Variants in MYLK observed in about 807,000 individuals in gnomAD.
The protein encoded by MYLK is myosin light chain kinase.
In MYLK, 106 loss-of-function variants were observed where a neutral mutation model predicts 203.4. The ratio of observed to expected loss-of-function variants is 0.52; its 90% confidence interval spans 0.45 to 0.61. MYLK has a LOEUF of 0.61. Among genes scored for constraint, MYLK ranks in the 20% least tolerant of loss-of-function variants. The probability of loss-of-function intolerance (pLI) is 0.00; values close to 1 mark genes in which losing one functional copy is unlikely to be tolerated. For synonymous variants in MYLK, 867 were observed against 959.5 expected, an observed-to-expected ratio of 0.90 and a Z score of 1.78; for missense variants, 2,072 against 2,442.3, an observed-to-expected ratio of 0.85 and a Z score of 3.20.
intron 3 of MYLK, among the ~76,000 whole-genome samples, chr3:123,827,698 T>C (rs1439918555): frequency 6.6e-4 from 3 of 4,518 alleles, no homozygotes; most frequent in African/African-American, 2.3e-3. Context: ...AAACACCATA[T>C]ATATATATAT....
chr3:123,704,216 C>T lies in MYLK; in HGVS notation c.2391-2707G>A, dbSNP rs181108794. ...CCTGGTGGCAGGGCAATAGCAGTAACTATTCCTACAGCCATACCCTTAAAT... is the reference window on the plus strand; with the variant it reads ...CCTGGTGGCAGGGCAATAGCAGTAATTATTCCTACAGCCATACCCTTAAAT... On this transcript the variant is annotated intron_variant, in intron 16 of 33. Transcript: ENST00000360304. Among the ~76,000 whole-genome samples the T allele has an allele frequency of 3.3e-3, 504 of 152,362 alleles. 1 individual carries two copies. Among genetic ancestry groups the T allele is most frequent in the Non-Finnish European group, 4.0e-3 (270 of 68,034 alleles).
intron 3 of MYLK, among the ~76,000 whole-genome samples, chr3:123,827,186 CAA>C (rs1459035808): frequency 6.6e-6 from 1 of 152,026 alleles, no homozygotes; most frequent in Non-Finnish European, 1.5e-5. Flanking sequence ...AGAAATTCAA[CAA>C]AGAGATGGAT....
intron 2 of MYLK, among the ~76,000 whole-genome samples, chr3:123,854,905 T>G (rs1375546561): frequency 6.6e-6 from 1 of 152,214 alleles, no homozygotes; most frequent in East Asian, 1.9e-4. Flanking sequence ...CACAGAAAAG[T>G]TACTCCTCTG....
intron 20 of MYLK, among the ~76,000 whole-genome samples, chr3:123,679,269 T>C (rs2060178353): frequency 6.8e-6 from 1 of 146,162 alleles, no homozygotes; most frequent in Non-Finnish European, 1.5e-5. Flanking sequence ...ATCGCGCCAC[T>C]GCACTCCAGC....
At chr3:123,852,176 T>C (rs1198334989) in intron 2 of MYLK, among the ~76,000 whole-genome samples, 3 of 152,204 alleles carry the variant, frequency 2.0e-5, no homozygotes, top group South Asian at 2.1e-4. Flanking sequence ...TTTACATCAA[T>C]GTTCATCAAG....
At chr3:123,841,358 T>C (rs931273161) in intron 2 of MYLK, among the ~76,000 whole-genome samples, 6 of 152,176 alleles carry the variant, frequency 3.9e-5, no homozygotes, top group Admixed American at 1.3e-4. Flanking sequence ...ATGAGATTAA[T>C]CTATATTTTA....
intron 3 of MYLK, among the ~76,000 whole-genome samples, chr3:123,799,179 C>T (rs1450353896): frequency 6.6e-6 from 1 of 151,722 alleles, no homozygotes; most frequent in Non-Finnish European, 1.5e-5. Context: ...CCCTTACCCC[C>T]CTTACCCCTC....
chr3:123,854,338 A>G (rs527679345), intron 2 of MYLK, among the ~76,000 whole-genome samples: 1 of 152,054 alleles, frequency 6.6e-6, no homozygotes, highest in Admixed American at 6.6e-5. Context: ...TATAATTATT[A>G]TCTTCCTGAC....
chr3:123,737,261 G>T, intron 8 of MYLK, 117 bp downstream of exon 8: 2 of 1,280,716 alleles, frequency 1.6e-6, no homozygotes, highest in Non-Finnish European at 2.3e-6. Context: ...GGAGTGCCTG[G>T]GTGTGTGAGT....
chr3:123,823,115 G>A (rs918123134), intron 3 of MYLK, among the ~76,000 whole-genome samples: 1 of 152,146 alleles, frequency 6.6e-6, no homozygotes, highest in Non-Finnish European at 1.5e-5. Flanking sequence ...CACCACCCCT[G>A]CTTCTTGACA....
intron 33 of MYLK, among the ~76,000 whole-genome samples, chr3:123,615,476 G>C (rs1486967284): frequency 2.6e-5 from 4 of 151,760 alleles, no homozygotes; most frequent in African/African-American, 9.7e-5. Flanking sequence ...TGGGATTACA[G>C]GTGCACGCCA....
chr3:123,699,866 C>CGGCCCTCCTACCCAGCA (rs1179178234), intron 18 of MYLK, among the ~76,000 whole-genome samples, 154 bp downstream of exon 18: 1 of 152,160 alleles, frequency 6.6e-6, no homozygotes, highest in East Asian at 1.9e-4. Flanking sequence ...AACAGGGACG[C>CGGCCCTCCTACCCAGCA]GGCCCTCCTA....
At chr3:123,736,740 G>A (rs2062686320) in intron 8 of MYLK, among the ~76,000 whole-genome samples, 1 of 152,162 alleles carries the variant, frequency 6.6e-6, no homozygotes, top group African/African-American at 2.4e-5. Context: ...TAAATTTGGG[G>A]TGATGGCAAG....
Position 123,610,951 on chromosome 3 carries a change from A to ATTAT in MYLK, c.*3150_*3153dup, listed in dbSNP as rs1238859365. ...ATGCAATGCAAGGAACAATCAATGGATTATTTTTTATATGTTTGGGATGAA... is the reference window on the plus strand; with the variant it reads ...ATGCAATGCAAGGAACAATCAATGGATTATTTATTTTTTATATGTTTGGGATGAA... On this transcript the variant is annotated 3_prime_UTR_variant, in exon 34 of 34. Transcript: ENST00000360304. The ATTAT allele has an allele frequency of 1.3e-5, 2 of 152,224 alleles. No individual in the cohort carries two copies. Among genetic ancestry groups the ATTAT allele is most frequent in the African/African-American group, 4.8e-5 (2 of 41,458 alleles). The allele number at this position is 152,224 out of a possible 1,614,324, so 9.4% of individuals were successfully genotyped here. A position where few individuals can be genotyped will look rare whatever the true frequency, so the allele number is the denominator to read the frequency against.
chr3:123,872,202 ATT>A (rs1415338974), intron 2 of MYLK, among the ~76,000 whole-genome samples: 1 of 152,038 alleles, frequency 6.6e-6, no homozygotes, highest in African/African-American at 2.4e-5. Flanking sequence ...AGTAGAGGAG[ATT>A]TATGAGAGTT....
chr3:123,775,238 C>T (rs2064028953), intron 4 of MYLK, among the ~76,000 whole-genome samples: 1 of 152,110 alleles, frequency 6.6e-6, no homozygotes, highest in Non-Finnish European at 1.5e-5. Flanking sequence ...CTTTGCTGCC[C>T]AGGCTGGTGG....
chr3:123,728,617 C>T (rs2062375800), intron 11 of MYLK, among the ~76,000 whole-genome samples: 1 of 151,872 alleles, frequency 6.6e-6, no homozygotes, highest in African/African-American at 2.4e-5. Context: ...AACAATAAAA[C>T]ATAGCTGAAT....
At position 123,734,239 on chromosome 3, in the gene MYLK, G is replaced by T; in HGVS notation, c.774-17C>A. 6.7e-7 allele frequency: 1 copy of T among 1,483,456 alleles called. No individual in the cohort carries two copies. Among genetic ancestry groups the T allele is most frequent in the Non-Finnish European group, 8.9e-7 (1 of 1,119,828 alleles). The allele number at this position is 1,483,456 out of a possible 1,614,324, so 91.9% of individuals were successfully genotyped here. On this transcript the variant is annotated splice_polypyrimidine_tract_variant and intron_variant, in intron 9 of 33. Transcript: ENST00000360304. ...ACAAATGACCTGTGTGGTGGTGAGG[G>T]TGGGGGTAGGGTGGGTGAGGAGAGG...
chr3:123,778,168 T>C (rs2064147595), intron 4 of MYLK, among the ~76,000 whole-genome samples: 1 of 152,114 alleles, frequency 6.6e-6, no homozygotes, highest in African/African-American at 2.4e-5. Context: ...GATAATTGGT[T>C]CTCAGGAGTA....
Sources: allele counts gnomAD v4.1 joint callset (sites outside exome capture counted in the v4.1 genomes callset), GRCh38; gene constraint gnomAD v4.1.1; transcripts MANE v1.5; gene names NCBI Gene and HGNC (gene_info 2026-07-23, HGNC 2026-07-21).